ING5: variants seen among roughly 807,000 people sequenced by gnomAD.
The protein encoded by ING5 is inhibitor of growth protein 5.
In ING5, 17 loss-of-function variants were observed where a neutral mutation model predicts 37.4. The ratio of observed to expected loss-of-function variants is 0.45; its 90% confidence interval spans 0.31 to 0.68. ING5 has a LOEUF of 0.68. Among genes scored for constraint, ING5 ranks in the 30% least tolerant of loss-of-function variants. ING5 has a pLI of 0.05. For missense variants in ING5, 233 were observed against 311.9 expected (o/e 0.75, Z 1.91); for synonymous variants, 123 against 116.6 (o/e 1.06, Z -0.36).
chr2:241,712,535 T>C (rs1302278021), intron 5 of ING5, among the ~76,000 whole-genome samples: 2 of 152,236 alleles, frequency 1.3e-5, no homozygotes, highest in Non-Finnish European at 2.9e-5. Flanking sequence ...ATTTATTAAA[T>C]AGACATGTCA....
intron 2 of ING5, among the ~76,000 whole-genome samples, chr2:241,693,252 C>CAAAAAAA (rs748452347): frequency 3.4e-5 from 2 of 59,340 alleles, no homozygotes; most frequent in East Asian, 4.2e-4. Context: ...GAGACTGTCT[C>CAAAAAAA]AAAAAAAAAA....
intron 5 of ING5, chr2:241,719,777 T>G: frequency 6.9e-7 from 1 of 1,442,524 alleles, no homozygotes; most frequent in Non-Finnish European, 9.0e-7. Context: ...CACTGTGGCC[T>G]CATGGCTTTT....
At chr2:241,690,699 G>C in intron 2 of ING5, 1 of 398,618 alleles carries the variant, frequency 2.5e-6, no homozygotes, top group Non-Finnish European at 4.4e-6. Flanking sequence ...TGCTGGGTCT[G>C]TGTGGTCAGA....
chr2:241,713,914 C>T (rs182666212), intron 5 of ING5, among the ~76,000 whole-genome samples: 3 of 151,356 alleles, frequency 2.0e-5, no homozygotes, highest in East Asian at 2.0e-4. Flanking sequence ...TGTTTGAACC[C>T]GGGAAGTGGA....
At chr2:241,709,476 C>G (rs1364111964) in intron 3 of ING5, 94 bp downstream of exon 3, 18 of 1,232,122 alleles carry the variant, frequency 1.5e-5, no homozygotes, top group African/African-American at 4.6e-5. Flanking sequence ...ATGGGCATAG[C>G]CAAGTGGAAG....
intron 2 of ING5, among the ~76,000 whole-genome samples, chr2:241,693,538 A>G (rs2069588621): frequency 6.6e-6 from 1 of 151,916 alleles, no homozygotes; most frequent in African/African-American, 2.4e-5. Flanking sequence ...AGACGATGGC[A>G]AGGCCCTTTG....
At chr2:241,698,553 G>C (rs971263985), upstream of ING5, among the ~76,000 whole-genome samples, 9 of 149,622 alleles carry the variant, frequency 6.0e-5, no homozygotes, top group Non-Finnish European at 1.2e-4. Flanking sequence ...GAGTATATGA[G>C]AAGTCTACTT....
At chr2:241,707,157 C>T (rs991752709) in intron 2 of ING5, among the ~76,000 whole-genome samples, 11 of 151,450 alleles carry the variant, frequency 7.3e-5, no homozygotes, top group Admixed American at 1.3e-4. Flanking sequence ...TGGGGTTTCT[C>T]CATGTTGATC....
At chr2:241,699,017 C>T (rs2069673170), upstream of ING5, among the ~76,000 whole-genome samples, 1 of 142,912 alleles carries the variant, frequency 7.0e-6, no homozygotes, top group Non-Finnish European at 1.5e-5. Flanking sequence ...CGTGAGCCAC[C>T]ACCCCAGCTG....
At position 241,709,304 on chromosome 2, in the gene ING5, G is replaced by A. The variant is rs148010042; in HGVS notation, c.198G>A (p.Gln66=). 684 of 1,614,112 alleles carry A rather than the reference G, an allele frequency of 4.2e-4. 1 individual carries two copies. The African/African-American group carries it at 7.9e-3, about 19-fold the overall frequency. The stretch of plus-strand genomic sequence containing the variant: ...CAGACCAGCGCGTGGAGCGCCTGCA[G>A]AAGATCCAGAACGCCTACAGCAAGT... ...LSPDQRVERL[Q]KIQNAYSKCK... Residue 66 remains glutamine, a synonymous_variant, in exon 3 of 8, where the codon CAG becomes CAA. Coordinates refer to ENST00000313552, the MANE Select transcript of ING5 (RefSeq NM_032329.6).
chr2:241,721,295 C>G (rs1026930502), intron 5 of ING5: 13 of 985,476 alleles, frequency 1.3e-5, no homozygotes, highest in Non-Finnish European at 1.6e-5. Flanking sequence ...GAGACTGTTG[C>G]TTGAAAGCAG....
chr2:241,705,364 C>CTGG (rs2069872165), intron 2 of ING5, among the ~76,000 whole-genome samples: 1 of 151,366 alleles, frequency 6.6e-6, no homozygotes, highest in Admixed American at 6.6e-5. Flanking sequence ...AAGCGTGAGC[C>CTGG]ACCTCGCCTG....
chr2:241,702,902 G>T (rs1266606869), intron 1 of ING5, among the ~76,000 whole-genome samples: 1 of 152,248 alleles, frequency 6.6e-6, no homozygotes, highest in Admixed American at 6.5e-5. Context: ...GGGTTGTGCC[G>T]GGTGGCTCTG....
Position 241,696,339 on chromosome 2 carries a change from C to T in ING5, c.43+5686C>T, listed in dbSNP as rs565947008. Among the ~76,000 whole-genome samples the T allele has an allele frequency of 2.6e-4, 40 of 151,902 alleles. No homozygotes were observed. In the South Asian group the frequency reaches 7.1e-3, roughly 27 times the overall value. ...CTGGGAGGTGGAGGTTGCAACAAGC[C>T]GGGATCTCGCCACTGCACTCCAGCC... On this transcript the variant is annotated intron_variant, in intron 2 of 7. Transcript: ENST00000636051.
chr2:241,691,848 G>A (rs1348853841), intron 2 of ING5, among the ~76,000 whole-genome samples: 1 of 152,118 alleles, frequency 6.6e-6, no homozygotes, highest in African/African-American at 2.4e-5. Flanking sequence ...GAGCTCAGGA[G>A]TTTGAGACCA....
intron 5 of ING5, chr2:241,720,924 C>T: frequency 1.0e-6 from 1 of 985,650 alleles, no homozygotes; most frequent in Non-Finnish European, 1.2e-6. Context: ...ACGGTGGCCT[C>T]AGCTTCTGGG....
chr2:241,707,444 C>T (rs1342439821), intron 2 of ING5, among the ~76,000 whole-genome samples: 2 of 152,040 alleles, frequency 1.3e-5, no homozygotes, highest in Admixed American at 6.6e-5. Context: ...GCATGCGCCA[C>T]CACACCCTGC....
chr2:241,709,310 C>T lies in ING5; in HGVS notation c.204C>T (p.Ile68=). The change falls in exon 3 of 8, where the codon ATC becomes ATT. Residue 68 remains isoleucine (I), a synonymous_variant. Coordinates refer to ENST00000313552, the MANE Select transcript of ING5 (RefSeq NM_032329.6). The part of the protein sequence containing the change: ...PDQRVERLQK[I]QNAYSKCKEY... ...AGCGCGTGGAGCGCCTGCAGAAGAT[C>T]CAGAACGCCTACAGCAAGTGCAAGG... 6.2e-7 allele frequency: 1 copy of T among 1,614,118 alleles called. No individual in the cohort carries two copies.
chr2:241,725,064 T>G lies in ING5; in HGVS notation c.*33T>G. 6.2e-7 allele frequency: 1 copy of G among 1,607,902 alleles called. No homozygotes were observed. Among genetic ancestry groups the G allele is most frequent in the African/African-American group, 1.3e-5 (1 of 74,958 alleles). On this transcript the variant is annotated 3_prime_UTR_variant, in exon 8 of 8. Coordinates refer to ENST00000313552, the MANE Select transcript of ING5 (RefSeq NM_032329.6). ...TGTGTGCCCGGATCCGAGGAGCAAG[T>G]TAATCTGTCCCTTCATTCGTGTCGC...
Sources: allele counts gnomAD v4.1 joint callset (sites outside exome capture counted in the v4.1 genomes callset), GRCh38; gene constraint gnomAD v4.1.1; transcripts MANE v1.5; gene names NCBI Gene and HGNC (gene_info 2026-07-23, HGNC 2026-07-21).